Variants in SOBP observed in about 807,000 individuals in gnomAD.
SOBP encodes sine oculis-binding protein homolog.
Under a neutral mutation model 53.6 loss-of-function variants are expected in SOBP, and 4 were observed. The observed-to-expected ratio is 0.07, with a 90% CI of 0.04 to 0.17. The LOEUF is 0.17. Ranked by LOEUF, SOBP falls within the 10% of genes least tolerant of loss-of-function variation. The probability of loss-of-function intolerance (pLI) is 1.00; values close to 1 mark genes in which losing one functional copy is unlikely to be tolerated. For missense variants in SOBP, 1,088 were observed against 1,204.7 expected, an observed-to-expected ratio of 0.90 and a Z score of 1.43; for synonymous variants, 584 against 522.6, an observed-to-expected ratio of 1.12 and a Z score of -1.60.
At chr6:107,498,924 T>TTA (rs1782765810) in intron 1 of SOBP, among the ~76,000 whole-genome samples, 1 of 152,092 alleles carries the variant, frequency 6.6e-6, no homozygotes, top group Admixed American at 6.5e-5. Flanking sequence ...TACAAAGCAA[T>TTA]TAGAGTCAGA....
chr6:107,597,027 G>A (rs1321144621), intron 5 of SOBP, among the ~76,000 whole-genome samples: 2 of 152,106 alleles, frequency 1.3e-5, no homozygotes, highest in African/African-American at 2.4e-5. Context: ...TTTTAGTTTG[G>A]TTTCCTTTGA....
Position 107,556,247 on chromosome 6 carries a change from T to A in SOBP, c.573+22637T>A, listed in dbSNP as rs375343098. 2.0e-5 allele frequency among the ~76,000 whole-genome samples: 3 copies of A among 152,236 alleles called. No individual in the cohort carries two copies. In the South Asian group the frequency reaches 6.2e-4, roughly 32 times the overall value. On this transcript the variant is annotated intron_variant, in intron 4 of 6. Coordinates refer to ENST00000317357, the MANE Select transcript of SOBP (RefSeq NM_018013.4). ...GGTGGTGTCTAATGATCCCATTCAG[T>A]GGTTTGTCATGTGTAAAAAGCAGAA... is the stretch of plus-strand genomic sequence containing the variant.
At chr6:107,577,592 C>T (rs1019121032) in intron 4 of SOBP, among the ~76,000 whole-genome samples, 3 of 152,190 alleles carry the variant, frequency 2.0e-5, no homozygotes. Context: ...GTAGTCTGTA[C>T]AGCATCACCT....
intron 4 of SOBP, among the ~76,000 whole-genome samples, chr6:107,562,310 C>T (rs994048521): frequency 7.2e-5 from 11 of 152,124 alleles, no homozygotes; most frequent in African/African-American, 2.7e-4. Flanking sequence ...TGAGCCACTG[C>T]GCCTGGCCTC....
intron 1 of SOBP, among the ~76,000 whole-genome samples, chr6:107,491,521 CT>C (rs1199249674): frequency 1.1e-4 from 17 of 152,260 alleles, no homozygotes; most frequent in African/African-American, 4.1e-4. Context: ...GGCGCTCCAG[CT>C]GTTCGCGTTA....
intron 6 of SOBP, among the ~76,000 whole-genome samples, chr6:107,640,037 C>T (rs909552646): frequency 3.3e-5 from 5 of 152,144 alleles, no homozygotes; most frequent in Admixed American, 2.6e-4. Flanking sequence ...GGAGGAGGCA[C>T]CTGTAGTTTG....
chr6:107,504,330 A>G (rs1782922687), intron 2 of SOBP, among the ~76,000 whole-genome samples: 1 of 152,160 alleles, frequency 6.6e-6, no homozygotes, highest in Admixed American at 6.6e-5. Context: ...AAGAGGAGTA[A>G]GAGAGTGGTA....
At chr6:107,604,006 A>T (rs1161786558) in intron 5 of SOBP, among the ~76,000 whole-genome samples, 1 of 152,174 alleles carries the variant, frequency 6.6e-6, no homozygotes, top group Non-Finnish European at 1.5e-5. Flanking sequence ...TCATGTGATG[A>T]CCATATGTCC....
chr6:107,584,433 T>A (rs998786082), intron 4 of SOBP, among the ~76,000 whole-genome samples: 4 of 152,190 alleles, frequency 2.6e-5, no homozygotes, highest in Non-Finnish European at 4.4e-5. Context: ...GAGTTATTTG[T>A]GCACACAAAT....
intron 5 of SOBP, among the ~76,000 whole-genome samples, chr6:107,605,825 A>G (rs1786353767): frequency 6.6e-6 from 1 of 152,190 alleles, no homozygotes; most frequent in Non-Finnish European, 1.5e-5. Flanking sequence ...TTAAGCATGG[A>G]GAATCCCAGG....
intron 6 of SOBP, among the ~76,000 whole-genome samples, chr6:107,645,105 A>C (rs1771498089): frequency 6.6e-6 from 1 of 152,048 alleles, no homozygotes; most frequent in Admixed American, 6.6e-5. Flanking sequence ...AGCACTTCTC[A>C]CTGTCCGATC....
At chr6:107,633,098 G>C (rs1175436786) in intron 5 of SOBP, among the ~76,000 whole-genome samples, 1 of 152,276 alleles carries the variant, frequency 6.6e-6, no homozygotes, top group East Asian at 1.9e-4. Flanking sequence ...GAATTGTAAG[G>C]GGTAATATTT....
intron 3 of SOBP, among the ~76,000 whole-genome samples, chr6:107,513,092 AG>A (rs2114959627): frequency 6.6e-6 from 1 of 152,342 alleles, no homozygotes; most frequent in African/African-American, 2.4e-5. Flanking sequence ...GTGAAGTAAA[AG>A]GAAGAGCCTG....
intron 2 of SOBP, among the ~76,000 whole-genome samples, chr6:107,504,197 T>G (rs1289755752): frequency 1.3e-5 from 2 of 152,238 alleles, no homozygotes; most frequent in Non-Finnish European, 2.9e-5. Flanking sequence ...GCTAGAGAGA[T>G]TCACTGTTAG....
chr6:107,526,562 C>T (rs547311696), intron 3 of SOBP, among the ~76,000 whole-genome samples: 1 of 152,170 alleles, frequency 6.6e-6, no homozygotes, highest in Non-Finnish European at 1.5e-5. Context: ...TGGAATGGCT[C>T]TCACAACTGT....
chr6:107,554,275 C>A (rs1784545715), intron 4 of SOBP, among the ~76,000 whole-genome samples: 1 of 152,190 alleles, frequency 6.6e-6, no homozygotes, highest in Non-Finnish European at 1.5e-5. Flanking sequence ...TTGTCCAGTA[C>A]TTAGAGCAAT....
intron 4 of SOBP, among the ~76,000 whole-genome samples, chr6:107,565,095 T>C (rs1054925249): frequency 2.6e-5 from 4 of 152,208 alleles, no homozygotes; most frequent in African/African-American, 7.2e-5. Context: ...TTGGAGTGTA[T>C]GGCTACATCA....
intron 3 of SOBP, among the ~76,000 whole-genome samples, chr6:107,532,325 G>A (rs1459497383): frequency 6.6e-6 from 1 of 151,070 alleles, no homozygotes; most frequent in Non-Finnish European, 1.5e-5. Flanking sequence ...GAAAACTCAA[G>A]ATGTAGCAAA....
At chr6:107,577,896 A>G (rs969909540) in intron 4 of SOBP, among the ~76,000 whole-genome samples, 47 of 151,966 alleles carry the variant, frequency 3.1e-4, no homozygotes, top group African/African-American at 9.2e-4. Context: ...ACACGGTGAA[A>G]CTCCATCTCT....
Sources: allele counts gnomAD v4.1 joint callset (sites outside exome capture counted in the v4.1 genomes callset), GRCh38; gene constraint gnomAD v4.1.1; transcripts MANE v1.5; gene names NCBI Gene and HGNC (gene_info 2026-07-23, HGNC 2026-07-21).